Variants in VSTM2B observed in about 807,000 individuals in gnomAD.
VSTM2B encodes V-set and transmembrane domain-containing protein 2B.
A neutral mutation model predicts 24.0 loss-of-function variants in VSTM2B; 24 were observed. The ratio of observed to expected loss-of-function variants is 1.00; its 90% confidence interval spans 0.72 to 1.40. The LOEUF is 1.40. Ranked by LOEUF, VSTM2B falls within the 40% of genes most tolerant of loss-of-function variation. VSTM2B has a pLI of 0.00. For missense variants in VSTM2B, 399 were observed against 416.4 expected (o/e 0.96, Z 0.36); for synonymous variants, 226 against 194.4 (o/e 1.16, Z -1.35).
chr19:29,533,372 G>T lies in VSTM2B; in HGVS notation c.769+3082G>T, dbSNP rs139002453. On this transcript the variant is annotated intron_variant, in intron 4 of 4. Coordinates refer to ENST00000335523, the MANE Select transcript of VSTM2B (RefSeq NM_001146339.2). Reference sequence around the variant, plus strand: ...GGATAGAAGTACAGTGGCCTCTGAGGTCTCTGTCACCCCCTAACCCTTGCC... The same window carrying T: ...GGATAGAAGTACAGTGGCCTCTGAGTTCTCTGTCACCCCCTAACCCTTGCC... Among the ~76,000 whole-genome samples, 620 of 152,268 alleles carry T rather than the reference G, an allele frequency of 4.1e-3. 9 individuals carry two copies. The highest frequency in any genetic ancestry group is 0.014 in the African/African-American group (601 of 41,566).
chr19:29,553,567 A>T (rs1435568439), intron 4 of VSTM2B, among the ~76,000 whole-genome samples: 9 of 152,310 alleles, frequency 5.9e-5, no homozygotes, highest in African/African-American at 1.9e-4. Context: ...TGATTGCAAC[A>T]TCTCTCCAAC....
intron 4 of VSTM2B, among the ~76,000 whole-genome samples, chr19:29,561,906 G>A (rs1409982105): frequency 2.0e-5 from 3 of 152,204 alleles, no homozygotes; most frequent in Non-Finnish European, 4.4e-5. Context: ...CCCACAAAAG[G>A]GGCCCAGAGG....
rs1969581186 is a variant in VSTM2B, at chr19:29,526,798, C to G, written c.82+133C>G. On this transcript the variant is annotated intron_variant, in intron 1 of 4. Transcript: ENST00000335523. The surrounding 1 kb of genome is among the most constrained non-coding windows in gnomAD (Gnocchi z 4.1). ...GCAATCCCGCTGTGCAGCCTGGGCC[C>G]GGAGGGGTAGGGAGAGGCGAGCGGC... 8.3e-6 allele frequency: 7 copies of G among 843,740 alleles called. No homozygotes were observed. Among genetic ancestry groups the G allele is most frequent in the Non-Finnish European group, 1.2e-5 (7 of 565,924 alleles). The allele number at this position is 843,740 out of a possible 1,614,324, so 52.3% of individuals were successfully genotyped here.
At chr19:29,542,715 T>C (rs1217563467) in intron 4 of VSTM2B, among the ~76,000 whole-genome samples, 1 of 151,610 alleles carries the variant, frequency 6.6e-6, no homozygotes, top group Non-Finnish European at 1.5e-5. Flanking sequence ...GTAGGAGAAA[T>C]GGGTAAGTAG....
In VSTM2B at chr19:29,530,135, G is replaced by A. The variant is rs1282307643; in HGVS notation, c.614G>A (p.Gly205Glu). ...CGCGGCGACAAGAGCCCGCCGCCCG[G>A]GAGCCCTCCCGCCGCCATCGATCCC... ...PGRGDKSPPP[G>E]SPPAAIDPAV... Residue 205 changes from glycine (G) to glutamate (E), a missense_variant, in exon 4 of 5, where the codon GGG becomes GAG. Physicochemically the swap from Gly to Glu is moderately conservative, Grantham distance 98. Transcript: ENST00000335523. The A allele has an allele frequency of 1.4e-6, 2 of 1,460,138 alleles. No individual in the cohort carries two copies. The highest frequency in any genetic ancestry group is 9.0e-7 in the Non-Finnish European group (1 of 1,113,138). The allele number at this position is 1,460,138 out of a possible 1,614,324, so 90.4% of individuals were successfully genotyped here. A position where few individuals can be genotyped will look rare whatever the true frequency, so the allele number is the denominator to read the frequency against.
At chr19:29,550,265 T>C (rs1335739464) in intron 4 of VSTM2B, among the ~76,000 whole-genome samples, 1 of 152,176 alleles carries the variant, frequency 6.6e-6, no homozygotes, top group Non-Finnish European at 1.5e-5. Context: ...AAGATTCCAT[T>C]ATTACCAAAA....
In VSTM2B at chr19:29,563,910, C is replaced by T; in HGVS notation, c.834C>T (p.Phe278=). ...TGCTCCTGTTAGCTCTGCATAAGTT[C>T]CTGCGCCTGCTCTTGGGACATTGAC... ...LSLLLLALHK[F]LRLLLGH is the part of the protein sequence containing the mutation. Residue 278 remains phenylalanine, a synonymous_variant, in exon 5 of 5, where the codon TTC becomes TTT. Transcript: ENST00000335523. The T allele has an allele frequency of 6.4e-7, 1 of 1,552,378 alleles. No individual in the cohort carries two copies. Among genetic ancestry groups the T allele is most frequent in the Non-Finnish European group, 8.7e-7 (1 of 1,147,136 alleles).
intron 2 of VSTM2B, among the ~76,000 whole-genome samples, chr19:29,528,055 G>C (rs1969631983): frequency 6.6e-6 from 1 of 152,174 alleles, no homozygotes; most frequent in South Asian, 2.1e-4. Flanking sequence ...CAGACACAGC[G>C]GCCCTCCCTC....
intron 2 of VSTM2B, among the ~76,000 whole-genome samples, 188 bp downstream of exon 2, chr19:29,527,583 A>T (rs1296905989): frequency 6.6e-6 from 1 of 152,162 alleles, no homozygotes; most frequent in Admixed American, 6.5e-5. Context: ...CCTGTCAATT[A>T]TTTTGACAGC....
intron 4 of VSTM2B, among the ~76,000 whole-genome samples, chr19:29,549,755 C>G (rs1970236236): frequency 6.6e-6 from 1 of 152,222 alleles, no homozygotes. Flanking sequence ...CTCTCCTACT[C>G]TCACTCCACA....
intron 4 of VSTM2B, among the ~76,000 whole-genome samples, chr19:29,549,409 G>C (rs976315633): frequency 7.2e-6 from 1 of 139,334 alleles, no homozygotes; most frequent in Non-Finnish European, 1.6e-5. Context: ...TGCTGCCCCA[G>C]GAGAGCCTGA....
intron 4 of VSTM2B, among the ~76,000 whole-genome samples, chr19:29,558,928 G>T (rs944981300): frequency 6.6e-6 from 1 of 152,172 alleles, no homozygotes. Flanking sequence ...TCTCATGCCA[G>T]TTAGAATGGC....
Position 29,529,842 on chromosome 19 carries a change from C to T in VSTM2B, c.321C>T (p.Asp107=). 3 of 1,550,026 alleles carry T rather than the reference C, an allele frequency of 1.9e-6. No homozygotes were observed. The highest frequency in any genetic ancestry group is 1.2e-5 in the South Asian group (1 of 83,890). Residue 107 remains aspartate, a synonymous_variant, in exon 4 of 5, where the codon GAC becomes GAT. Coordinates refer to ENST00000335523, the MANE Select transcript of VSTM2B (RefSeq NM_001146339.2). ...KISTVRVQGN[D]ISHRLRLSAV... Reference sequence around the variant, plus strand: ...AGACCGTACGCGTCCAGGGCAATGACATCTCACACCGGCTTCGGCTGTCTG... The same window carrying T: ...AGACCGTACGCGTCCAGGGCAATGATATCTCACACCGGCTTCGGCTGTCTG...
In VSTM2B at chr19:29,563,924, T is replaced by C. The variant is rs1970591397; in HGVS notation, c.848T>C (p.Leu283Ser). Residue 283 changes from leucine (L) to serine (S), a missense_variant, in exon 5 of 5, where the codon TTG (leucine) becomes TCG (serine). Transcript: ENST00000335523. ...LALHKFLRLL[L>S]GH ...CTGCATAAGTTCCTGCGCCTGCTCT[T>C]GGGACATTGACAGACAAGACCAACC... The C allele has an allele frequency of 6.4e-7, 1 of 1,552,262 alleles. No homozygotes were observed. The highest frequency in any genetic ancestry group is 1.2e-5 in the South Asian group (1 of 84,064).
intron 3 of VSTM2B, among the ~76,000 whole-genome samples, chr19:29,529,380 T>C (rs1969671527): frequency 6.6e-6 from 1 of 152,020 alleles, no homozygotes; most frequent in Non-Finnish European, 1.5e-5. Flanking sequence ...GAGGGCCGGC[T>C]GGGGCGGGAC....
At chr19:29,561,561 T>C (rs1970526775) in intron 4 of VSTM2B, among the ~76,000 whole-genome samples, 1 of 151,428 alleles carries the variant, frequency 6.6e-6, no homozygotes, top group South Asian at 2.1e-4. Flanking sequence ...GGAGATGGAG[T>C]TTGCAGTGAG....
At chr19:29,544,053 G>T (rs1438389754) in intron 4 of VSTM2B, among the ~76,000 whole-genome samples, 1 of 151,202 alleles carries the variant, frequency 6.6e-6, no homozygotes, top group African/African-American at 2.4e-5. Context: ...TGAAAATAGG[G>T]TTCTACTGCT....
At chr19:29,561,524 C>T (rs1438531876) in intron 4 of VSTM2B, among the ~76,000 whole-genome samples, 21 of 152,112 alleles carry the variant, frequency 1.4e-4, no homozygotes, top group Admixed American at 1.0e-3. Flanking sequence ...ACTTGGGAGG[C>T]TGAGGCAGGA....
At position 29,540,988 on chromosome 19, in the gene VSTM2B, A is replaced by T. The variant is rs114147586; in HGVS notation, c.769+10698A>T. Among the ~76,000 whole-genome samples, 149 of 152,286 alleles carry T rather than the reference A, an allele frequency of 9.8e-4. 1 individual carries two copies. The highest frequency in any genetic ancestry group is 3.5e-3 in the African/African-American group (145 of 41,562). ...AAAGAAGGTAGAGCTTTCCAGGAAG[A>T]GGGACTCACATGTGCAAAGGTCCTG... On this transcript the variant is annotated intron_variant, in intron 4 of 4. Transcript: ENST00000335523.
Sources: allele counts gnomAD v4.1 joint callset (sites outside exome capture counted in the v4.1 genomes callset), GRCh38; gene constraint gnomAD v4.1.1; non-coding constraint Gnocchi (gnomAD v3.1); transcripts MANE v1.5; gene names NCBI Gene and HGNC (gene_info 2026-07-23, HGNC 2026-07-21).